The following OXSR1 variants were observed in gnomAD, a reference collection of about 807,000 sequenced individuals.
OXSR1 encodes serine/threonine-protein kinase OSR1.
In OXSR1, 24 loss-of-function variants were observed where a neutral mutation model predicts 79.8. The ratio of observed to expected loss-of-function variants is 0.30; its 90% CI spans 0.22 to 0.42. The LOEUF (loss-of-function observed/expected upper bound fraction) is 0.42, where lower values mean the gene tolerates loss of function less well. Among genes scored for constraint, OXSR1 ranks in the 10% least tolerant of loss-of-function variants. OXSR1 has a pLI of 1.00. For synonymous variants in OXSR1, 226 were observed against 209.2 expected, an observed-to-expected ratio of 1.08 and a Z score of -0.69; for missense variants, 430 against 618.4, an observed-to-expected ratio of 0.70 and a Z score of 3.23.
intron 4 of OXSR1, among the ~76,000 whole-genome samples, chr3:38,210,352 A>G (rs1702360897): frequency 6.6e-6 from 1 of 152,120 alleles, no homozygotes; most frequent in Non-Finnish European, 1.5e-5. Flanking sequence ...GGTTCTGGTA[A>G]AACCAAGGTG....
At chr3:38,177,603 T>C (rs527635685) in intron 1 of OXSR1, among the ~76,000 whole-genome samples, 55 of 152,278 alleles carry the variant, frequency 3.6e-4, no homozygotes, top group African/African-American at 1.3e-3. Flanking sequence ...TTTGTTTTTT[T>C]AGGCAAGGTC....
At chr3:38,190,644 T>G (rs1701965520) in intron 2 of OXSR1, 87 bp from the exon 3 acceptor site, 7 of 759,386 alleles carry the variant, frequency 9.2e-6, no homozygotes, top group Non-Finnish European at 1.4e-5. Flanking sequence ...GACACAGTCT[T>G]GAGATTTCAA....
chr3:38,171,631 C>T (rs1701583545), intron 1 of OXSR1, among the ~76,000 whole-genome samples: 2 of 150,596 alleles, frequency 1.3e-5, no homozygotes, highest in Non-Finnish European at 2.9e-5. Context: ...CTCTTAGGAA[C>T]ATATTAAAAG....
chr3:38,225,552 A>G (rs1368888635), intron 8 of OXSR1, among the ~76,000 whole-genome samples: 1 of 151,944 alleles, frequency 6.6e-6, no homozygotes, highest in East Asian at 1.9e-4. Flanking sequence ...CAAAATTTAT[A>G]CCTGTGTTTT....
At chr3:38,217,175 C>T (rs991798177) in intron 5 of OXSR1, among the ~76,000 whole-genome samples, 2 of 152,198 alleles carry the variant, frequency 1.3e-5, no homozygotes, top group Non-Finnish European at 2.9e-5. Flanking sequence ...GATGTTCAAG[C>T]TTACACTAGT....
intron 12 of OXSR1, among the ~76,000 whole-genome samples, chr3:38,243,166 T>G (rs1420319114): frequency 6.6e-6 from 1 of 151,864 alleles, no homozygotes; most frequent in East Asian, 1.9e-4. Context: ...CCTGGGTAGG[T>G]GGAACCACAG....
Position 38,254,403 on chromosome 3 carries a change from T to C in OXSR1, c.*1512T>C. 1 of 392,486 alleles carries C rather than the reference T, an allele frequency of 2.5e-6. No homozygotes were observed. The highest frequency in any genetic ancestry group is 4.5e-6 in the Non-Finnish European group (1 of 222,576). 24.3% of individuals were successfully genotyped at this position (392,486 alleles called of 1,614,324 possible). A position where few individuals can be genotyped will look rare whatever the true frequency, so the allele number is the denominator to read the frequency against. ...CACCTGCTCTAGGTGCAAAGGCATG[T>C]TGGGAAAGAGATGGATGTTGGGGAG... On this transcript the variant is annotated 3_prime_UTR_variant, in exon 18 of 18. Coordinates refer to ENST00000311806, the MANE Select transcript of OXSR1 (RefSeq NM_005109.3).
At position 38,175,048 on chromosome 3, in the gene OXSR1, G is replaced by T. The variant is rs554132479; in HGVS notation, c.71-7955G>T. Among the ~76,000 whole-genome samples, 9 of 152,266 alleles carry T rather than the reference G, an allele frequency of 5.9e-5. No homozygotes were observed. The South Asian group carries it at 1.9e-3, about 32-fold the overall frequency. On this transcript the variant is annotated intron_variant, in intron 1 of 17. Transcript: ENST00000311806. ...GACAAGAGACCTTATTTAGAAAAGGGGTTAACAAAATTGTAAATTCTTATG... is the reference window on the plus strand; with the variant it reads ...GACAAGAGACCTTATTTAGAAAAGGTGTTAACAAAATTGTAAATTCTTATG...
chr3:38,219,436 G>A (rs1161269916), intron 5 of OXSR1, among the ~76,000 whole-genome samples: 1 of 152,166 alleles, frequency 6.6e-6, no homozygotes, highest in Non-Finnish European at 1.5e-5. Flanking sequence ...GCACGACTTT[G>A]TCTCTCTGGT....
intron 1 of OXSR1, among the ~76,000 whole-genome samples, chr3:38,182,014 C>T (rs936950204): frequency 7.9e-5 from 12 of 152,168 alleles, no homozygotes; most frequent in African/African-American, 2.9e-4. Flanking sequence ...TGCCACTGCA[C>T]CTGGCTGAGA....
chr3:38,196,775 T>G (rs35675131), intron 3 of OXSR1, among the ~76,000 whole-genome samples: 5,502 of 152,322 alleles, frequency 0.036, 110 homozygotes, highest in Middle Eastern at 0.13. Flanking sequence ...CCCTTAAAGT[T>G]AGCAATCATG....
At chr3:38,205,655 G>A (rs1316461060) in intron 4 of OXSR1, among the ~76,000 whole-genome samples, 1 of 152,188 alleles carries the variant, frequency 6.6e-6, no homozygotes, top group Non-Finnish European at 1.5e-5. Context: ...CAGTGTCACT[G>A]GGTGTAGGTG....
At chr3:38,222,461 G>A (rs1015453949) in intron 6 of OXSR1, among the ~76,000 whole-genome samples, 3 of 152,070 alleles carry the variant, frequency 2.0e-5, no homozygotes, top group African/African-American at 7.2e-5. Flanking sequence ...AGGATTGTTG[G>A]GCTAGGAGAC....
chr3:38,251,218 T>G (rs1280954916), intron 15 of OXSR1, among the ~76,000 whole-genome samples, 185 bp from the exon 16 acceptor site: 1 of 152,176 alleles, frequency 6.6e-6, no homozygotes, highest in East Asian at 1.9e-4. Context: ...AGAATTCCAC[T>G]TGAGATAATC....
At chr3:38,173,443 A>G (rs559121192) in intron 1 of OXSR1, among the ~76,000 whole-genome samples, 31 of 152,348 alleles carry the variant, frequency 2.0e-4, no homozygotes, top group African/African-American at 7.5e-4. Flanking sequence ...CTGCCTAACT[A>G]ACTGTATGAC....
intron 1 of OXSR1, among the ~76,000 whole-genome samples, chr3:38,171,371 T>C (rs1157263646): frequency 6.6e-6 from 1 of 152,244 alleles, no homozygotes; most frequent in Non-Finnish European, 1.5e-5. Context: ...AGGAAACACA[T>C]GATTAAAATC....
At chr3:38,248,489 C>T (rs755873228) in intron 14 of OXSR1, among the ~76,000 whole-genome samples, 9 of 152,078 alleles carry the variant, frequency 5.9e-5, no homozygotes, top group Non-Finnish European at 1.2e-4. Flanking sequence ...CTTGAGGCAA[C>T]TCAGGCCTTT....
intron 11 of OXSR1, among the ~76,000 whole-genome samples, chr3:38,240,056 T>C (rs966598432): frequency 6.6e-6 from 1 of 152,214 alleles, no homozygotes; most frequent in African/African-American, 2.4e-5. Flanking sequence ...TTATTCATCA[T>C]GGCCTGAAGT....
chr3:38,196,493 C>G (rs1702074750), intron 3 of OXSR1, among the ~76,000 whole-genome samples: 1 of 152,186 alleles, frequency 6.6e-6, no homozygotes, highest in African/African-American at 2.4e-5. Context: ...TAAGAATTAT[C>G]TTGTTGGGAG....
Sources: allele counts gnomAD v4.1 joint callset (sites outside exome capture counted in the v4.1 genomes callset), GRCh38; gene constraint gnomAD v4.1.1; transcripts MANE v1.5; gene names NCBI Gene and HGNC (gene_info 2026-07-23, HGNC 2026-07-21).